Variants in PCDHA2 observed in about 807,000 individuals in gnomAD.
PCDHA2 encodes the protein protocadherin alpha 2.
In PCDHA2, 58 loss-of-function variants were observed where a neutral mutation model predicts 66.0. That is an observed-to-expected ratio of 0.88 (90% CI 0.71 to 1.09). PCDHA2 has a LOEUF of 1.09. PCDHA2 is among the 50% of genes least tolerant of loss of function. PCDHA2 has a pLI of 0.00. For synonymous variants in PCDHA2, 634 were observed against 554.0 expected, an observed-to-expected ratio of 1.14 and a Z score of -2.03; for missense variants, 1,267 against 1,242.3, an observed-to-expected ratio of 1.02 and a Z score of -0.30.
chr5:140,801,794 T>A (rs1439840316), intron 1 of PCDHA2: 4 of 1,613,862 alleles, frequency 2.5e-6, no homozygotes, highest in Non-Finnish European at 3.4e-6. Flanking sequence ...TGAAAAAAAA[T>A]TTAAATCGAG....
chr5:140,982,943 A>G (rs2097017074), intron 3 of PCDHA2, among the ~76,000 whole-genome samples: 1 of 151,992 alleles, frequency 6.6e-6, no homozygotes, highest in Admixed American at 6.5e-5. Flanking sequence ...CTTTTGGTTG[A>G]AGACTATGGA....
intron 3 of PCDHA2, among the ~76,000 whole-genome samples, chr5:140,985,169 C>G (rs1169892350): frequency 6.6e-6 from 1 of 152,122 alleles, no homozygotes; most frequent in Non-Finnish European, 1.5e-5. Flanking sequence ...AATCTCCTGA[C>G]CTCGTAATCC....
At chr5:140,824,202 T>C in intron 1 of PCDHA2, 1 of 1,595,300 alleles carries the variant, frequency 6.3e-7, no homozygotes, top group African/African-American at 1.3e-5. Flanking sequence ...ACCCACTTTT[T>C]TTGTATTTAA....
intron 1 of PCDHA2, chr5:140,803,612 C>G: frequency 6.2e-7 from 1 of 1,614,004 alleles, no homozygotes; most frequent in Non-Finnish European, 8.5e-7. Context: ...TTTATTTATT[C>G]TTTCCAAAAT....
intron 1 of PCDHA2, among the ~76,000 whole-genome samples, chr5:140,977,448 C>G (rs1265708365): frequency 6.6e-6 from 1 of 152,212 alleles, no homozygotes; most frequent in African/African-American, 2.4e-5. Flanking sequence ...ATAATGGAAA[C>G]TCCTTTGATT....
At chr5:140,843,002 A>G in intron 1 of PCDHA2, 2 of 1,595,004 alleles carry the variant, frequency 1.3e-6, no homozygotes, top group Non-Finnish European at 1.7e-6. Context: ...CGAGAATGAC[A>G]ACGCGCCGGC....
chr5:140,866,677 G>A (rs782218499), intron 1 of PCDHA2: 2 of 152,084 alleles, frequency 1.3e-5, no homozygotes, highest in African/African-American at 2.4e-5. Context: ...AATAGCACTA[G>A]GTCTGTTAGA....
At chr5:140,936,080 A>C (rs1252008478) in intron 1 of PCDHA2, among the ~76,000 whole-genome samples, 2 of 152,004 alleles carry the variant, frequency 1.3e-5, no homozygotes, top group African/African-American at 4.8e-5. Flanking sequence ...TTTAGTAGAG[A>C]CAGGGTTTCA....
At chr5:140,840,654 A>T (rs17119241) in intron 1 of PCDHA2, among the ~76,000 whole-genome samples, 31,454 of 151,946 alleles carry the variant, frequency 0.21, 4,191 homozygotes, top group African/African-American at 0.36. Flanking sequence ...AGTGTAAAGA[A>T]TATGCACATA....
intron 1 of PCDHA2, among the ~76,000 whole-genome samples, chr5:140,938,353 C>G (rs2092034112): frequency 6.6e-6 from 1 of 152,138 alleles, no homozygotes; most frequent in Admixed American, 6.5e-5. Flanking sequence ...TGTCTTATTC[C>G]TGGTCTCAGA....
intron 1 of PCDHA2, among the ~76,000 whole-genome samples, chr5:140,975,016 G>C (rs782435284): frequency 6.6e-6 from 1 of 152,128 alleles, no homozygotes; most frequent in Non-Finnish European, 1.5e-5. Context: ...AACACAGCTG[G>C]GCTGTGTTGT....
At chr5:140,803,257 C>T (rs782417260) in intron 1 of PCDHA2, 13 of 1,613,906 alleles carry the variant, frequency 8.1e-6, no homozygotes, top group Non-Finnish European at 1.0e-5. Context: ...GCTGGCGCCA[C>T]GGGCCCGGAA....
At chr5:140,952,146 C>T (rs1204696324) in intron 1 of PCDHA2, among the ~76,000 whole-genome samples, 1 of 152,062 alleles carries the variant, frequency 6.6e-6, no homozygotes, top group African/African-American at 2.4e-5. Context: ...AGCTCCACTC[C>T]TGTGGCTTTG....
In PCDHA2 at chr5:140,957,392, T is replaced by A. The variant is rs1035836709; in HGVS notation, c.2389-21557T>A. Among the ~76,000 whole-genome samples the A allele has an allele frequency of 2.6e-5, 4 of 152,222 alleles. No individual in the cohort carries two copies. In the East Asian group the frequency reaches 5.8e-4, roughly 22 times the overall value. ...TTATTATAGTGTATTGTTATAATTG[T>A]CCTAATTTATTATTATTGTTGTTAA... is the stretch of plus-strand genomic sequence containing the variant. On this transcript the variant is annotated intron_variant, in intron 1 of 3. Coordinates refer to ENST00000526136, the MANE Select transcript of PCDHA2 (RefSeq NM_018905.3).
chr5:140,927,037 G>T lies in PCDHA2; in HGVS notation c.2389-51912G>T, dbSNP rs782765718. On this transcript the variant is annotated intron_variant, in intron 1 of 3. Coordinates refer to ENST00000526136, the MANE Select transcript of PCDHA2 (RefSeq NM_018905.3). ...CGCGGACTTGAGGCTGCCAGCGGCC[G>T]CTATGTCCTCGCGGAACTTTCGCTT... The T allele has an allele frequency of 3.7e-6, 6 of 1,612,000 alleles. No homozygotes were observed. The Admixed American group carries it at 6.7e-5, about 18-fold the overall frequency.
In PCDHA2 at chr5:140,985,839, A is replaced by G. The variant is rs570244448; in HGVS notation, c.2536+3276A>G. On this transcript the variant is annotated intron_variant, in intron 3 of 3. Coordinates refer to ENST00000526136, the MANE Select transcript of PCDHA2 (RefSeq NM_018905.3). ...ACAACAAGCTCTGCCTCCCGGGTTC[A>G]TGCCACTCTCCTGCCTCAGCCTCCT... Among the ~76,000 whole-genome samples the G allele has an allele frequency of 6.2e-5, 9 of 144,378 alleles. No homozygotes were observed. The East Asian group carries it at 1.9e-3, about 30-fold the overall frequency. 94.7% of individuals were successfully genotyped at this position (144,378 alleles called of 152,430 possible). A position where few individuals can be genotyped will look rare whatever the true frequency, so the allele number is the denominator to read the frequency against.
At chr5:140,845,037 C>T (rs1189014695) in intron 1 of PCDHA2, among the ~76,000 whole-genome samples, 2 of 149,024 alleles carry the variant, frequency 1.3e-5, no homozygotes, top group Non-Finnish European at 3.0e-5. Flanking sequence ...ATATTTTAGC[C>T]CCCTTGTCCA....
At chr5:140,946,210 G>C (rs140796631) in intron 1 of PCDHA2, among the ~76,000 whole-genome samples, 1 of 152,052 alleles carries the variant, frequency 6.6e-6, no homozygotes, top group African/African-American at 2.4e-5. Flanking sequence ...GCACACAAAT[G>C]ACCAACAGGT....
At chr5:140,995,317 C>T (rs1554254587) in intron 3 of PCDHA2, among the ~76,000 whole-genome samples, 1 of 152,118 alleles carries the variant, frequency 6.6e-6, no homozygotes, top group Non-Finnish European at 1.5e-5. Flanking sequence ...TCTAAGTGAA[C>T]TAACAGGTGA....
Sources: allele counts gnomAD v4.1 joint callset (sites outside exome capture counted in the v4.1 genomes callset), GRCh38; gene constraint gnomAD v4.1.1; transcripts MANE v1.5; gene names NCBI Gene and HGNC (gene_info 2026-07-23, HGNC 2026-07-21).